The following GALNT13 variants were observed in gnomAD, a reference collection of about 807,000 sequenced individuals.
GALNT13 encodes UDP-GalNAc:polypeptide N-acetylgalactosaminyltransferase 13.
GALNT13 carries 28 observed loss-of-function variants against 64.2 expected under a neutral mutation model. That is an observed-to-expected ratio of 0.44 (90% CI 0.32 to 0.60). The LOEUF is 0.60. Among genes scored for constraint, GALNT13 ranks in the 20% least tolerant of loss-of-function variants. The probability of loss-of-function intolerance (pLI) is 0.05; values close to 1 mark genes in which losing one functional copy is unlikely to be tolerated. For synonymous variants in GALNT13, 214 were observed against 224.6 expected, an observed-to-expected ratio of 0.95 and a Z score of 0.42; for missense variants, 577 against 669.8, an observed-to-expected ratio of 0.86 and a Z score of 1.53.
chr2:153,375,255 G>T, the GALNT13 span, among the ~76,000 whole-genome samples: 12 of 151,668 alleles, frequency 7.9e-5, no homozygotes, highest in East Asian at 2.3e-3. Context: ...ACTTTTTTAT[G>T]GCCATTTTTG....
the GALNT13 span, among the ~76,000 whole-genome samples, chr2:153,249,410 A>T: frequency 6.6e-6 from 1 of 152,252 alleles, no homozygotes; most frequent in African/African-American, 2.4e-5. Context: ...TTTCATGCTC[A>T]TTGATAGAAA....
At chr2:153,581,941 C>A in the GALNT13 span, among the ~76,000 whole-genome samples, 5 of 152,050 alleles carry the variant, frequency 3.3e-5, no homozygotes. Context: ...GTGGATAATG[C>A]TTATAATTTA....
the GALNT13 span, among the ~76,000 whole-genome samples, chr2:153,170,195 A>G: frequency 1.3e-5 from 2 of 152,178 alleles, no homozygotes; most frequent in African/African-American, 4.8e-5. Context: ...AATAGAGGTA[A>G]CAAAATAAAC....
chr2:153,787,066 T>C, the GALNT13 span, among the ~76,000 whole-genome samples: 15,236 of 151,954 alleles, frequency 0.1, 1,247 homozygotes, highest in Admixed American at 0.25. Context: ...ACTGCTAAGG[T>C]CCCTTCCTCT....
the GALNT13 span, among the ~76,000 whole-genome samples, chr2:153,330,486 T>A: frequency 5.5e-3 from 839 of 152,294 alleles, 5 homozygotes; most frequent in Non-Finnish European, 9.1e-3. Flanking sequence ...TATCACCTCC[T>A]AGGTTAGATG....
At chr2:153,107,573 C>T in the GALNT13 span, among the ~76,000 whole-genome samples, 2 of 151,876 alleles carry the variant, frequency 1.3e-5, no homozygotes, top group Non-Finnish European at 2.9e-5. Flanking sequence ...ACATCTGAAC[C>T]AAAACAATAA....
At chr2:153,738,969 T>C in the GALNT13 span, among the ~76,000 whole-genome samples, 2 of 151,920 alleles carry the variant, frequency 1.3e-5, no homozygotes, top group Admixed American at 1.3e-4. Context: ...ATTAGCACTT[T>C]ACCATCTGTG....
intron 3 of GALNT13, among the ~76,000 whole-genome samples, chr2:154,112,258 A>G (rs1703028633): frequency 6.6e-6 from 1 of 152,180 alleles, no homozygotes; most frequent in Non-Finnish European, 1.5e-5. Context: ...TGGTGAGTGG[A>G]AGTCCATGTT....
intron 3 of GALNT13, among the ~76,000 whole-genome samples, chr2:154,040,741 A>C (rs568776254): frequency 1.4e-5 from 2 of 140,644 alleles, no homozygotes; most frequent in South Asian, 4.5e-4. Flanking sequence ...TTAGTTGAAA[A>C]TATTTTACTT....
the GALNT13 span, among the ~76,000 whole-genome samples, chr2:153,140,891 C>A: frequency 6.6e-6 from 1 of 151,786 alleles, no homozygotes; most frequent in African/African-American, 2.4e-5. Context: ...TATAATTTAC[C>A]AATTTAAAGT....
At chr2:153,646,489 T>G in the GALNT13 span, among the ~76,000 whole-genome samples, 6 of 151,148 alleles carry the variant, frequency 4.0e-5, no homozygotes, top group Admixed American at 4.0e-4. Context: ...ATACTTTAAG[T>G]TCTAGGGTAC....
rs1685970659 is a variant in GALNT13 at position 153,871,923 on chromosome 2, A to C, written c.-557A>C. On this transcript the variant is annotated 5_prime_UTR_variant, in exon 1 of 13. Transcript: ENST00000392825. ...GGGGGGCGGGGGCCGGGGAGAAGTG[A>C]CCAGGCGGCGGCGGCTCTGCTGAGG... 2 of 151,592 alleles carry C rather than the reference A, an allele frequency of 1.3e-5. No homozygotes were observed. Among genetic ancestry groups the C allele is most frequent in the African/African-American group, 4.9e-5 (2 of 41,096 alleles). The allele number at this position is 151,592 out of a possible 1,614,324, so 9.4% of individuals were successfully genotyped here.
At chr2:153,573,971 A>G in the GALNT13 span, among the ~76,000 whole-genome samples, 1 of 151,988 alleles carries the variant, frequency 6.6e-6, no homozygotes, top group Non-Finnish European at 1.5e-5. Context: ...TTGCTCATTA[A>G]TGTCCTTTTC....
chr2:153,169,845 T>G, the GALNT13 span, among the ~76,000 whole-genome samples: 127 of 152,336 alleles, frequency 8.3e-4, no homozygotes, highest in African/African-American at 3.0e-3. Flanking sequence ...AGCTGTTTGC[T>G]GACATGTGTG....
the GALNT13 span, among the ~76,000 whole-genome samples, chr2:153,082,612 T>TAC: frequency 2.6e-5 from 1 of 38,782 alleles, no homozygotes; most frequent in East Asian, 6.9e-4. Context: ...TATATATATA[T>TAC]ATATATACAC....
the GALNT13 span, among the ~76,000 whole-genome samples, chr2:153,806,996 G>T: frequency 6.6e-6 from 1 of 152,104 alleles, no homozygotes; most frequent in Non-Finnish European, 1.5e-5. Context: ...AGGCGGAAAA[G>T]TGAAGGGGAT....
chr2:154,185,341 C>T (rs1427840465), intron 4 of GALNT13, among the ~76,000 whole-genome samples: 1 of 151,954 alleles, frequency 6.6e-6, no homozygotes, highest in Non-Finnish European at 1.5e-5. Context: ...TCTTTATTCT[C>T]AACTAATTGG....
At chr2:153,903,175 A>T (rs905022538) in intron 2 of GALNT13, among the ~76,000 whole-genome samples, 4 of 152,020 alleles carry the variant, frequency 2.6e-5, no homozygotes, top group Admixed American at 6.6e-5. Context: ...AAGTTACGAT[A>T]GTAAACATGT....
At chr2:154,227,705 A>G (rs1261470896) in intron 4 of GALNT13, among the ~76,000 whole-genome samples, 1 of 151,610 alleles carries the variant, frequency 6.6e-6, no homozygotes, top group African/African-American at 2.4e-5. Flanking sequence ...GTTTATGTGT[A>G]CCTGGGGCAC....
Sources: gnomAD v4.1 joint callset for allele counts (sites outside exome capture counted in the v4.1 genomes callset) on GRCh38, gnomAD v4.1.1 for gene constraint, MANE v1.5 for transcripts, NCBI Gene and HGNC (gene_info 2026-07-23, HGNC 2026-07-21) for gene names.